CPD: variants seen among roughly 807,000 people sequenced by gnomAD.
The protein encoded by CPD is carboxypeptidase D, also known as metallocarboxypeptidase D.
A neutral mutation model predicts 138.3 loss-of-function variants in CPD; 69 were observed. That is an observed-to-expected ratio of 0.50 (90% CI 0.41 to 0.61). The LOEUF (loss-of-function observed/expected upper bound fraction) is 0.61. CPD is among the 20% of genes least tolerant of loss of function. The pLI is 0.00. For missense variants in CPD, 1,432 were observed against 1,733.3 expected (o/e 0.83, Z 3.09); for synonymous variants, 651 against 642.1 (o/e 1.01, Z -0.21).
At chr17:30,435,569 G>T (rs113173030) in intron 8 of CPD, among the ~76,000 whole-genome samples, 2 of 152,018 alleles carry the variant, frequency 1.3e-5, no homozygotes, top group African/African-American at 4.8e-5. Flanking sequence ...GAAAAAATAG[G>T]AATACATTTT....
chr17:30,395,855 A>AAT (rs1911492892), intron 2 of CPD, among the ~76,000 whole-genome samples: 1 of 152,138 alleles, frequency 6.6e-6, no homozygotes, highest in African/African-American at 2.4e-5. Flanking sequence ...ATCATTAGCA[A>AAT]ATATATATTC....
chr17:30,462,710 C>T (rs1913522128), intron 20 of CPD, among the ~76,000 whole-genome samples: 1 of 152,156 alleles, frequency 6.6e-6, no homozygotes, highest in Non-Finnish European at 1.5e-5. Context: ...AAATTAAAGA[C>T]ACACACAGAA....
In CPD at chr17:30,449,545, T is replaced by G; in HGVS notation, c.2874-8T>G. On this transcript the variant is annotated splice_polypyrimidine_tract_variant and splice_region_variant and intron_variant, in intron 12 of 20. Transcript: ENST00000225719. The stretch of plus-strand genomic sequence containing the variant: ...CTTGCTGATTTTTTTGTTTCTGGTT[T>G]TTGAAAGTTTGGGACAGAGCACTGA... 6.4e-7 allele frequency: 1 copy of G among 1,568,698 alleles called. No homozygotes were observed. The highest frequency in any genetic ancestry group is 2.4e-5 in the East Asian group (1 of 42,158).
intron 2 of CPD, among the ~76,000 whole-genome samples, chr17:30,407,309 A>G (rs1298491495): frequency 6.6e-6 from 1 of 152,216 alleles, no homozygotes; most frequent in Non-Finnish European, 1.5e-5. Context: ...AGCATGATTT[A>G]TAATCCTTTG....
intron 2 of CPD, among the ~76,000 whole-genome samples, chr17:30,386,114 CA>C (rs1449076175): frequency 6.6e-6 from 1 of 152,122 alleles, no homozygotes; most frequent in African/African-American, 2.4e-5. Flanking sequence ...ACTGTAATCA[CA>C]AGCTCCTGGG....
chr17:30,420,199 C>A (rs918715999), intron 2 of CPD, among the ~76,000 whole-genome samples: 5 of 152,146 alleles, frequency 3.3e-5, no homozygotes, highest in African/African-American at 1.2e-4. Context: ...TTCCATCTTC[C>A]GTTTAACACA....
At chr17:30,448,297 A>G (rs951765580) in intron 12 of CPD, among the ~76,000 whole-genome samples, 1 of 151,906 alleles carries the variant, frequency 6.6e-6, no homozygotes, top group African/African-American at 2.4e-5. Context: ...CAGGAGCTCC[A>G]GTTTACGTTG....
chr17:30,462,485 T>C lies in CPD; in HGVS notation c.3916+16T>C. On this transcript the variant is annotated intron_variant, in intron 20 of 20. Coordinates refer to ENST00000225719, the MANE Select transcript of CPD (RefSeq NM_001304.5). ...ACTGTATCAGGTAAAGACATTTTGATTTTTAGTAGTAAAAGTTAAAAACAA... is the reference window on the plus strand; with the variant it reads ...ACTGTATCAGGTAAAGACATTTTGACTTTTAGTAGTAAAAGTTAAAAACAA... 2 of 1,578,614 alleles carry C rather than the reference T, an allele frequency of 1.3e-6. No homozygotes were observed. Among genetic ancestry groups the C allele is most frequent in the Non-Finnish European group, 1.7e-6 (2 of 1,149,330 alleles).
chr17:30,462,689 C>T (rs745429049), intron 20 of CPD, among the ~76,000 whole-genome samples: 5 of 151,992 alleles, frequency 3.3e-5, no homozygotes, highest in Admixed American at 1.3e-4. Flanking sequence ...CCTAACCCAG[C>T]GGTGCTAGAG....
intron 2 of CPD, among the ~76,000 whole-genome samples, chr17:30,396,597 A>G (rs189577139): frequency 5.8e-4 from 88 of 152,354 alleles, no homozygotes; most frequent in African/African-American, 2.0e-3. Flanking sequence ...AGTATCTTAA[A>G]ACACATGAAG....
intron 6 of CPD, among the ~76,000 whole-genome samples, chr17:30,425,781 G>T (rs1366257215): frequency 6.6e-6 from 1 of 152,082 alleles, no homozygotes; most frequent in African/African-American, 2.4e-5. Flanking sequence ...TGTCTAATTG[G>T]AATATTTTTC....
intron 2 of CPD, among the ~76,000 whole-genome samples, chr17:30,399,377 T>G (rs530825493): frequency 5.9e-5 from 9 of 152,298 alleles, no homozygotes; most frequent in African/African-American, 1.9e-4. Flanking sequence ...CTTTGCTGAT[T>G]GTCTTTTCTG....
rs1913672980 is a variant in CPD, at chr17:30,467,401, G to A, written c.*2587G>A. On this transcript the variant is annotated 3_prime_UTR_variant, in exon 21 of 21. Coordinates refer to ENST00000225719, the MANE Select transcript of CPD (RefSeq NM_001304.5). ...TTGTATTGATTATGTAGTTCAGTAA[G>A]ATGTGCCCAAGTCATTTCAGAAAGA... The A allele has an allele frequency of 6.6e-6, 1 of 152,228 alleles. No individual in the cohort carries two copies. Among genetic ancestry groups the A allele is most frequent in the Non-Finnish European group, 1.5e-5 (1 of 68,022 alleles). The allele number at this position is 152,228 out of a possible 1,614,324, so 9.4% of individuals were successfully genotyped here.
At chr17:30,383,448 G>A (rs549217878) in intron 1 of CPD, among the ~76,000 whole-genome samples, 2 of 152,272 alleles carry the variant, frequency 1.3e-5, no homozygotes, top group South Asian at 2.1e-4. Flanking sequence ...TCTGGGAGAC[G>A]GAATGTTCTT....
At chr17:30,439,679 A>G (rs1215639150) in intron 9 of CPD, among the ~76,000 whole-genome samples, 1 of 100,246 alleles carries the variant, frequency 1.0e-5, no homozygotes, top group African/African-American at 4.3e-5. Context: ...TGTTCTTGCG[A>G]TAGTTTACTG....
At chr17:30,448,534 T>C (rs950733026) in intron 12 of CPD, among the ~76,000 whole-genome samples, 1 of 152,220 alleles carries the variant, frequency 6.6e-6, no homozygotes, top group African/African-American at 2.4e-5. Flanking sequence ...AGGCACTAAG[T>C]ACCATTGAAT....
intron 1 of CPD, among the ~76,000 whole-genome samples, chr17:30,381,959 A>G (rs1911061145): frequency 1.3e-5 from 2 of 152,230 alleles, no homozygotes; most frequent in South Asian, 4.1e-4. Context: ...ACAAATACTT[A>G]AGAAAATATA....
At chr17:30,464,471 G>C (rs1044405537) in intron 20 of CPD, 117 bp from the exon 21 acceptor site, 5 of 748,678 alleles carry the variant, frequency 6.7e-6, no homozygotes, top group Non-Finnish European at 1.1e-5. Flanking sequence ...GTTCTTAAGT[G>C]CATGAAATAG....
intron 2 of CPD, among the ~76,000 whole-genome samples, chr17:30,411,954 A>T (rs930253256): frequency 6.6e-6 from 1 of 151,984 alleles, no homozygotes; most frequent in African/African-American, 2.4e-5. Context: ...GGTTTTTGGA[A>T]TTTTCAGCTT....
Sources: allele counts gnomAD v4.1 joint callset (sites outside exome capture counted in the v4.1 genomes callset), GRCh38; gene constraint gnomAD v4.1.1; transcripts MANE v1.5; gene names NCBI Gene and HGNC (gene_info 2026-07-23, HGNC 2026-07-21).